Variants in GPC6 observed in about 807,000 individuals in gnomAD.
GPC6 encodes the protein glypican-6.
A neutral mutation model predicts 55.2 loss-of-function variants in GPC6; 14 were observed. The ratio of observed to expected loss-of-function variants is 0.25; its 90% CI spans 0.17 to 0.40. The LOEUF (loss-of-function observed/expected upper bound fraction) is 0.40. Among genes scored for constraint, GPC6 ranks in the 10% least tolerant of loss-of-function variants. GPC6 has a pLI of 1.00. For missense variants in GPC6, 641 were observed against 708.5 expected, an observed-to-expected ratio of 0.90 and a Z score of 1.08; for synonymous variants, 278 against 259.6, an observed-to-expected ratio of 1.07 and a Z score of -0.68.
intron 1 of GPC6, among the ~76,000 whole-genome samples, chr13:93,283,107 A>G (rs933685281): frequency 1.2e-4 from 18 of 150,834 alleles, no homozygotes; most frequent in African/African-American, 4.4e-4. Context: ...TCTAAACAAT[A>G]TGCTCATTTT....
chr13:93,660,495 T>A (rs1270433841), intron 2 of GPC6, among the ~76,000 whole-genome samples: 1 of 152,160 alleles, frequency 6.6e-6, no homozygotes, highest in Non-Finnish European at 1.5e-5. Flanking sequence ...TGCAGAAAAT[T>A]AAGATTTAGT....
chr13:93,791,250 A>G (rs1886026596), intron 2 of GPC6, among the ~76,000 whole-genome samples: 1 of 152,208 alleles, frequency 6.6e-6, no homozygotes. Flanking sequence ...TTGCTACTGT[A>G]TGCCAGGAAG....
intron 3 of GPC6, among the ~76,000 whole-genome samples, chr13:93,867,586 C>T (rs1049277104): frequency 8.6e-5 from 13 of 151,742 alleles, no homozygotes; most frequent in Middle Eastern, 3.2e-3. Context: ...TGTATAAACT[C>T]TTCTCGGAAA....
chr13:93,337,303 G>C (rs540130474), intron 1 of GPC6, among the ~76,000 whole-genome samples: 36 of 152,140 alleles, frequency 2.4e-4, no homozygotes, highest in Non-Finnish European at 3.8e-4. Context: ...TTTATTATGA[G>C]ATTCCCATAT....
intron 2 of GPC6, among the ~76,000 whole-genome samples, chr13:93,560,651 C>G (rs554489140): frequency 6.6e-6 from 1 of 151,574 alleles, no homozygotes; most frequent in Admixed American, 6.6e-5. Context: ...GTCAGGAGAT[C>G]GAGAACATCC....
At chr13:93,767,197 A>G (rs1182397463) in intron 2 of GPC6, among the ~76,000 whole-genome samples, 1 of 152,074 alleles carries the variant, frequency 6.6e-6, no homozygotes, top group Non-Finnish European at 1.5e-5. Context: ...TTTTTAGATA[A>G]TTTCGGCTGC....
chr13:93,906,699 T>C (rs1027468332), intron 3 of GPC6, among the ~76,000 whole-genome samples: 16 of 152,186 alleles, frequency 1.1e-4, no homozygotes, highest in African/African-American at 3.9e-4. Flanking sequence ...ATGACGTTTA[T>C]ATCCCCAGCA....
intron 1 of GPC6, among the ~76,000 whole-genome samples, chr13:93,244,233 G>T (rs1317724111): frequency 6.6e-6 from 1 of 152,136 alleles, no homozygotes; most frequent in Non-Finnish European, 1.5e-5. Context: ...CTTTGACAAG[G>T]CAGATCTCAC....
intron 4 of GPC6, among the ~76,000 whole-genome samples, chr13:94,105,030 C>G (rs1035764806): frequency 1.1e-4 from 17 of 152,180 alleles, no homozygotes; most frequent in Admixed American, 1.1e-3. Context: ...GCAAAAAGAA[C>G]AAAGCTGGAG....
At chr13:93,485,311 A>G (rs1879664032) in intron 1 of GPC6, among the ~76,000 whole-genome samples, 1 of 152,228 alleles carries the variant, frequency 6.6e-6, no homozygotes, top group Non-Finnish European at 1.5e-5. Context: ...TGTTCTAGCC[A>G]AAAGCATAAT....
At chr13:94,312,973 T>A (rs1876334495) in intron 6 of GPC6, among the ~76,000 whole-genome samples, 1 of 152,240 alleles carries the variant, frequency 6.6e-6, no homozygotes, top group African/African-American at 2.4e-5. Flanking sequence ...TGCCTGAACC[T>A]GCTTTATCTA....
intron 2 of GPC6, among the ~76,000 whole-genome samples, chr13:93,764,565 GA>G (rs979941738): frequency 3.9e-5 from 5 of 127,314 alleles, no homozygotes; most frequent in East Asian, 4.7e-4. Flanking sequence ...TTATTTATGA[GA>G]AAAAAATAAA....
intron 6 of GPC6, among the ~76,000 whole-genome samples, chr13:94,334,064 A>AGAT (rs1566686934): frequency 6.6e-6 from 1 of 152,236 alleles, no homozygotes; most frequent in East Asian, 1.9e-4. Context: ...AGATTTGGAA[A>AGAT]GATATATTGA....
At chr13:93,429,355 A>G (rs1177054619) in intron 1 of GPC6, among the ~76,000 whole-genome samples, 2 of 152,120 alleles carry the variant, frequency 1.3e-5, no homozygotes, top group Admixed American at 1.3e-4. Context: ...GCTACAAAGG[A>G]TATTTCTACT....
intron 2 of GPC6, among the ~76,000 whole-genome samples, chr13:93,797,095 G>A (rs1203502858): frequency 6.6e-6 from 1 of 152,138 alleles, no homozygotes; most frequent in Non-Finnish European, 1.5e-5. Flanking sequence ...ATTTATTTCT[G>A]TTAATCTGGG....
chr13:93,768,696 C>T (rs1037903704), intron 2 of GPC6, among the ~76,000 whole-genome samples: 6 of 152,120 alleles, frequency 3.9e-5, no homozygotes, highest in African/African-American at 1.2e-4. Context: ...AGATGATCTT[C>T]GTACAGGAAT....
At chr13:94,159,065 A>G (rs1888065909) in intron 4 of GPC6, among the ~76,000 whole-genome samples, 1 of 152,116 alleles carries the variant, frequency 6.6e-6, no homozygotes, top group Non-Finnish European at 1.5e-5. Context: ...GGAGACATCT[A>G]TGCTGATATA....
chr13:94,120,204 G>A (rs923306082), intron 4 of GPC6, among the ~76,000 whole-genome samples: 2 of 152,036 alleles, frequency 1.3e-5, no homozygotes, highest in African/African-American at 4.8e-5. Flanking sequence ...ATAAGCAGTA[G>A]ACATACACCA....
intron 1 of GPC6, among the ~76,000 whole-genome samples, chr13:93,507,795 G>A (rs1253849029): frequency 6.6e-6 from 1 of 151,956 alleles, no homozygotes; most frequent in Non-Finnish European, 1.5e-5. Context: ...GAGGGAATGA[G>A]GAGCAAGATA....
Sources: gnomAD v4.1 joint callset for allele counts (sites outside exome capture counted in the v4.1 genomes callset) on GRCh38, gnomAD v4.1.1 for gene constraint, MANE v1.5 for transcripts, NCBI Gene and HGNC (gene_info 2026-07-23, HGNC 2026-07-21) for gene names.